PLEKHG4B: variants seen among roughly 807,000 people sequenced by gnomAD.
PLEKHG4B encodes pleckstrin homology and RhoGEF domain containing G4B.
Under a neutral mutation model 121.3 loss-of-function variants are expected in PLEKHG4B, and 111 were observed. That is an observed-to-expected ratio of 0.92 (90% CI 0.78 to 1.07). The LOEUF (loss-of-function observed/expected upper bound fraction) is 1.07. Among genes scored for constraint, PLEKHG4B ranks in the 50% least tolerant of loss-of-function variants. The pLI is 0.00. For synonymous variants in PLEKHG4B, 738 were observed against 725.0 expected (o/e 1.02, Z -0.29); for missense variants, 1,831 against 1,757.8 (o/e 1.04, Z -0.74).
chr5:115,811 C>G (rs1734289496), intron 2 of PLEKHG4B, among the ~76,000 whole-genome samples: 1 of 152,214 alleles, frequency 6.6e-6, no homozygotes, highest in Non-Finnish European at 1.5e-5. Context: ...AAGTTAGGGG[C>G]TTCATCTGGG....
At chr5:126,759 G>T (rs1360610911) in intron 2 of PLEKHG4B, among the ~76,000 whole-genome samples, 1 of 152,186 alleles carries the variant, frequency 6.6e-6, no homozygotes, top group Non-Finnish European at 1.5e-5. Context: ...GGACGCACAT[G>T]AGGAGTGAGT....
At chr5:92,553 C>T (rs1316357791) in intron 1 of PLEKHG4B, among the ~76,000 whole-genome samples, 7 of 118,686 alleles carry the variant, frequency 5.9e-5, no homozygotes, top group African/African-American at 2.3e-4. Context: ...TGGGAGGGGG[C>T]GCGGGTACCC....
rs368196133 is a variant in PLEKHG4B at position 161,764 on chromosome 5, C to G, written c.2488-19C>G. ...TGGAAGCACCGGGCTTGTACTGATG[C>G]TTTGTTCCTTGGGTACAGCAATCCT... is the stretch of plus-strand genomic sequence containing the variant. On this transcript the variant is annotated intron_variant, in intron 11 of 19. Coordinates refer to ENST00000637938, the MANE Select transcript of PLEKHG4B (RefSeq NM_052909.5). The G allele has an allele frequency of 3.7e-6, 6 of 1,613,206 alleles. No individual in the cohort carries two copies. The highest frequency in any genetic ancestry group is 5.1e-6 in the Non-Finnish European group (6 of 1,180,006).
intron 1 of PLEKHG4B, among the ~76,000 whole-genome samples, chr5:111,418 G>T (rs1376479480): frequency 6.6e-6 from 1 of 152,234 alleles, no homozygotes; most frequent in Admixed American, 6.5e-5. Context: ...TCAGGCAGAG[G>T]TAGGGTCAGG....
rs749544449 is a variant in PLEKHG4B at position 156,156 on chromosome 5, G to C, written c.2294G>C (p.Gly765Ala). ...DPLLVSLRLE[G>A]GTVLARLRRE... ...CTGCTTGTGTCTCTCAGGCTGGAGGGGGGCACCGTCCTGGCGCGGCTGAGG... is the reference window on the plus strand; with the variant it reads ...CTGCTTGTGTCTCTCAGGCTGGAGGCGGGCACCGTCCTGGCGCGGCTGAGG... The change falls in exon 10 of 20, where the codon GGG (glycine) becomes GCG (alanine). Residue 765 changes from glycine (G) to alanine (A), a missense_variant. Gly to Ala is a moderately conservative substitution (Grantham distance 60). Coordinates refer to ENST00000637938, the MANE Select transcript of PLEKHG4B (RefSeq NM_052909.5). The surrounding 1 kb of genome is among the most constrained non-coding windows in gnomAD (Gnocchi z 4.4). 1.3e-6 allele frequency: 2 copies of C among 1,592,826 alleles called. No homozygotes were observed. Among genetic ancestry groups the C allele is most frequent in the Non-Finnish European group, 8.5e-7 (1 of 1,169,884 alleles).
intron 6 of PLEKHG4B, among the ~76,000 whole-genome samples, chr5:150,127 G>A (rs140872584): frequency 1.6e-3 from 245 of 152,324 alleles, no homozygotes; most frequent in Non-Finnish European, 2.8e-3. Context: ...CCCATCAACA[G>A]ATGAATGGAT....
rs1215192489 is a variant in PLEKHG4B, at chr5:189,402, G to A, written c.*7079G>A. 2 of 152,366 alleles carry A rather than the reference G, an allele frequency of 1.3e-5. No individual in the cohort carries two copies. Among genetic ancestry groups the A allele is most frequent in the Admixed American group, 6.5e-5 (1 of 15,288 alleles). The allele number at this position is 152,366 out of a possible 1,614,324, so 9.4% of individuals were successfully genotyped here. On this transcript the variant is annotated 3_prime_UTR_variant, in exon 20 of 20. Coordinates refer to ENST00000637938, the MANE Select transcript of PLEKHG4B (RefSeq NM_052909.5). Reference sequence around the variant, plus strand: ...CAACCTTTCAGACCAGTGAAGGCCAGTGGGCTGGGTGGTCCAGGCATGTCC... The same window carrying A: ...CAACCTTTCAGACCAGTGAAGGCCAATGGGCTGGGTGGTCCAGGCATGTCC...
At chr5:102,900 TGCTGGCTGTGTCTGACCCTC>T (rs749718172) in intron 1 of PLEKHG4B, among the ~76,000 whole-genome samples, 32 of 152,356 alleles carry the variant, frequency 2.1e-4, no homozygotes, top group Non-Finnish European at 4.4e-4. Flanking sequence ...CTGAGTCTGA[TGCTGGCTGTGTCTGACCCTC>T]GGGTCTTGGA....
At chr5:93,652 C>T (rs1733537003) in intron 1 of PLEKHG4B, among the ~76,000 whole-genome samples, 1 of 152,186 alleles carries the variant, frequency 6.6e-6, no homozygotes, top group Non-Finnish European at 1.5e-5. Flanking sequence ...TTAGCCGGAG[C>T]CTTCTCATCT....
At chr5:173,172 AAGCGGGGAGG>A in intron 17 of PLEKHG4B, 105 bp downstream of exon 17, 1 of 1,155,994 alleles carries the variant, frequency 8.7e-7, no homozygotes, top group Non-Finnish European at 1.3e-6. Context: ...GGAGGGAGTG[AAGCGGGGAGG>A]AGCCGCACTG....
chr5:172,667 G>A (rs1005829213), intron 16 of PLEKHG4B, among the ~76,000 whole-genome samples: 1 of 152,242 alleles, frequency 6.6e-6, no homozygotes, highest in African/African-American at 2.4e-5. Flanking sequence ...GGAGGGTTGG[G>A]GGGAACTGGG....
chr5:182,315 C>T lies in PLEKHG4B; in HGVS notation c.4876C>T (p.Gln1626Ter). The part of the protein sequence containing the change: ...APAVLLSRTR[Q>*]A ...TGCTGTGCTGCTGAGCCGCACACGCCAGGCCTGATGACTGTCAGGGTGGCA... is the reference window on the plus strand; with the variant it reads ...TGCTGTGCTGCTGAGCCGCACACGCTAGGCCTGATGACTGTCAGGGTGGCA... Residue 1626 changes from glutamine (Q) to a stop codon, truncating the protein, a stop_gained, in exon 20 of 20, where the codon CAG becomes TAG. Transcript: ENST00000637938. LOFTEE classifies it high-confidence loss of function. 6.2e-7 allele frequency: 1 copy of T among 1,601,650 alleles called. No homozygotes were observed. Among genetic ancestry groups the T allele is most frequent in the Non-Finnish European group, 8.5e-7 (1 of 1,175,246 alleles).
At chr5:173,783 C>A in intron 17 of PLEKHG4B, 135 bp from the exon 18 acceptor site, 1 of 1,037,162 alleles carries the variant, frequency 9.6e-7, no homozygotes, top group Non-Finnish European at 1.4e-6. Context: ...TGTGGTCTCG[C>A]TCACCCTGAC....
chr5:114,181 A>G (rs2126358552), intron 2 of PLEKHG4B, among the ~76,000 whole-genome samples: 1 of 152,298 alleles, frequency 6.6e-6, no homozygotes, highest in African/African-American at 2.4e-5. Flanking sequence ...CTGACTGATC[A>G]TGGAAGTGGT....
intron 13 of PLEKHG4B, among the ~76,000 whole-genome samples, chr5:164,829 G>A (rs181861861): frequency 4.0e-5 from 5 of 125,872 alleles, no homozygotes; most frequent in Admixed American, 7.7e-5. Context: ...GTGACGGAGC[G>A]GAGCTCACAC....
At chr5:135,682 AATATATAT>A (rs70955207) in intron 2 of PLEKHG4B, among the ~76,000 whole-genome samples, 59 of 19,558 alleles carry the variant, frequency 3.0e-3, no homozygotes, top group South Asian at 8.9e-3. Context: ...AAAAAAAAAA[AATATATAT>A]ATATATATAT....
Position 162,861 on chromosome 5 carries a change from C to T in PLEKHG4B, c.2789C>T (p.Pro930Leu), listed in dbSNP as rs1475807555. Reference protein sequence around the residue: ...FPGAGVAVLKPHALGKPWASQ... With the variant: ...FPGAGVAVLKLHALGKPWASQ... Reference sequence around the variant, plus strand: ...GGGGCAGGTGTGGCAGTGCTGAAGCCTCATGCCCTGGGGAAACCGTGGGCA... The same window carrying T: ...GGGGCAGGTGTGGCAGTGCTGAAGCTTCATGCCCTGGGGAAACCGTGGGCA... Residue 930 changes from proline (P) to leucine (L), a missense_variant, in exon 13 of 20, where the codon CCT becomes CTT. By Grantham distance (98) the Pro-to-Leu change is moderately conservative. Transcript: ENST00000637938. 2 of 1,519,222 alleles carry T rather than the reference C, an allele frequency of 1.3e-6. No homozygotes were observed. The highest frequency in any genetic ancestry group is 1.8e-6 in the Non-Finnish European group (2 of 1,132,534). 94.1% of individuals were successfully genotyped at this position (1,519,222 alleles called of 1,614,324 possible).
In PLEKHG4B at chr5:181,950, G is replaced by A. The variant is rs370664353; in HGVS notation, c.4565-54G>A. ...CGGCTCTGATCCCATTCCCGAACCTGGGCTGCACTTCTGGAGCGGAAGCCA... is the reference window on the plus strand; with the variant it reads ...CGGCTCTGATCCCATTCCCGAACCTAGGCTGCACTTCTGGAGCGGAAGCCA... On this transcript the variant is annotated intron_variant, in intron 19 of 19. Coordinates refer to ENST00000637938, the MANE Select transcript of PLEKHG4B (RefSeq NM_052909.5). 657 of 1,559,834 alleles carry A rather than the reference G, an allele frequency of 4.2e-4. 5 individuals are homozygous for A. The South Asian group carries it at 6.6e-3, about 16-fold the overall frequency.
At chr5:163,940 G>T (rs760717262) in intron 13 of PLEKHG4B, among the ~76,000 whole-genome samples, 1 of 152,208 alleles carries the variant, frequency 6.6e-6, no homozygotes, top group Non-Finnish European at 1.5e-5. Flanking sequence ...GTTAGAAGGC[G>T]CACCCATGCG....
Sources: gnomAD v4.1 joint callset for allele counts (sites outside exome capture counted in the v4.1 genomes callset) on GRCh38, gnomAD v4.1.1 for gene constraint, Gnocchi (gnomAD v3.1) non-coding constraint, MANE v1.5 for transcripts, NCBI Gene and HGNC (gene_info 2026-07-23, HGNC 2026-07-21) for gene names.